The following TRIM44 variants were observed in gnomAD, a reference collection of about 807,000 sequenced individuals.
The protein encoded by TRIM44 is tripartite motif containing 44.
In TRIM44, 13 loss-of-function variants were observed where a neutral mutation model predicts 37.4. The observed-to-expected ratio is 0.35, with a 90% CI of 0.23 to 0.55. The LOEUF is 0.55. Among genes scored for constraint, TRIM44 ranks in the 20% least tolerant of loss-of-function variants. TRIM44 has a pLI of 0.89. For synonymous variants in TRIM44, 175 were observed against 157.2 expected (o/e 1.11, Z -0.85); for missense variants, 426 against 437.2 (o/e 0.97, Z 0.23).
intron 1 of TRIM44, among the ~76,000 whole-genome samples, chr11:35,664,843 A>G (rs1442301507): frequency 6.6e-6 from 1 of 152,214 alleles, no homozygotes; most frequent in African/African-American, 2.4e-5. Context: ...TACCTTTTCC[A>G]ATTATAACCA....
At chr11:35,710,250 T>G (rs546078873) in intron 2 of TRIM44, among the ~76,000 whole-genome samples, 36 of 152,260 alleles carry the variant, frequency 2.4e-4, no homozygotes, top group African/African-American at 5.8e-4. Context: ...TTTATATATA[T>G]ATAGAGAGAG....
intron 4 of TRIM44, among the ~76,000 whole-genome samples, chr11:35,784,045 G>T (rs1853098318): frequency 6.6e-6 from 1 of 152,174 alleles, no homozygotes. Flanking sequence ...GCCTACTGGG[G>T]AGCAGAATGT....
At chr11:35,719,180 A>G (rs563037097) in intron 2 of TRIM44, among the ~76,000 whole-genome samples, 5 of 152,242 alleles carry the variant, frequency 3.3e-5, no homozygotes, top group African/African-American at 1.2e-4. Flanking sequence ...AAGTGGCCTT[A>G]CCATTTTGCA....
chr11:35,688,899 C>G (rs1329237272), intron 2 of TRIM44, among the ~76,000 whole-genome samples: 1 of 152,110 alleles, frequency 6.6e-6, no homozygotes, highest in African/African-American at 2.4e-5. Context: ...CTGTTTTCCT[C>G]TATGTTTGCT....
At chr11:35,766,370 C>T (rs1293381573) in intron 4 of TRIM44, among the ~76,000 whole-genome samples, 1 of 152,150 alleles carries the variant, frequency 6.6e-6, no homozygotes, top group East Asian at 1.9e-4. Flanking sequence ...AGGGCTTCTC[C>T]TCCCCAAGGC....
Position 35,806,427 on chromosome 11 carries a change from G to A in TRIM44, c.*42G>A. On this transcript the variant is annotated 3_prime_UTR_variant, in exon 5 of 5. Coordinates refer to ENST00000299413, the MANE Select transcript of TRIM44 (RefSeq NM_017583.6). ...GTGGAAAATCATCCCCTCCCCTTGT[G>A]TGTATGTGACAGCGTGTATGTAACG... 1 of 1,610,532 alleles carries A rather than the reference G, an allele frequency of 6.2e-7. No individual in the cohort carries two copies. Among genetic ancestry groups the A allele is most frequent in the Non-Finnish European group, 8.5e-7 (1 of 1,176,948 alleles).
rs576686021 is a variant in TRIM44, at chr11:35,811,635, G to T, written c.*5250G>T. The T allele has an allele frequency of 6.6e-6, 1 of 152,178 alleles. No homozygotes were observed. Among genetic ancestry groups the T allele is most frequent in the Non-Finnish European group, 1.5e-5 (1 of 68,028 alleles). The allele number at this position is 152,178 out of a possible 1,614,324, so 9.4% of individuals were successfully genotyped here. ...ACTCAGAGGCCTTCAGGAGCCAAAT[G>T]TGAAGACTCAAGATGGTAGATACTG... is the stretch of plus-strand genomic sequence containing the variant. On this transcript the variant is annotated 3_prime_UTR_variant, in exon 5 of 5. Transcript: ENST00000299413.
chr11:35,791,607 A>T (rs1853210437), intron 4 of TRIM44, among the ~76,000 whole-genome samples: 1 of 152,072 alleles, frequency 6.6e-6, no homozygotes, highest in Non-Finnish European at 1.5e-5. Flanking sequence ...TGAACTTTTC[A>T]CAGCTCCTTG....
At position 35,663,278 on chromosome 11, in the gene TRIM44, A is replaced by G. The variant is rs1268575809; in HGVS notation, c.167A>G (p.His56Arg). The G allele has an allele frequency of 6.2e-7, 1 of 1,613,982 alleles. No homozygotes were observed. Among genetic ancestry groups the G allele is most frequent in the East Asian group, 2.2e-5 (1 of 44,850 alleles). ...CACAGGCAGAAGTTCCTCAGTCACC[A>G]TCTGGCCGAATACGTCCACGGCTCC... ...EAHRQKFLSH[H>R]LAEYVHGSQA... is the part of the protein sequence containing the mutation. The change falls in exon 1 of 5, where the codon CAT (histidine) becomes CGT (arginine). Residue 56 changes from histidine to arginine, a missense_variant. His to Arg is a conservative substitution (Grantham distance 29). Around this residue, in one of 2 missense-constraint regions of TRIM44, gnomAD observed 331 missense variants for 303.0 expected, o/e 1.09. Coordinates refer to ENST00000299413, the MANE Select transcript of TRIM44 (RefSeq NM_017583.6).
chr11:35,716,285 C>G (rs1468631887), intron 2 of TRIM44, among the ~76,000 whole-genome samples: 1 of 152,152 alleles, frequency 6.6e-6, no homozygotes, highest in Non-Finnish European at 1.5e-5. Context: ...GAGTTAGAAG[C>G]AAGATGCTAA....
chr11:35,796,669 A>T (rs1276295436), intron 4 of TRIM44, among the ~76,000 whole-genome samples: 1 of 152,144 alleles, frequency 6.6e-6, no homozygotes, highest in Admixed American at 6.5e-5. Flanking sequence ...TCATCACAGG[A>T]GATCGCCAGT....
intron 2 of TRIM44, among the ~76,000 whole-genome samples, chr11:35,701,358 G>A (rs1466431966): frequency 1.3e-5 from 2 of 151,570 alleles, no homozygotes; most frequent in African/African-American, 2.4e-5. Context: ...TTAAGCTGAC[G>A]TTTAACTATA....
At chr11:35,743,186 G>C (rs184848013) in intron 4 of TRIM44, among the ~76,000 whole-genome samples, 1 of 152,308 alleles carries the variant, frequency 6.6e-6, no homozygotes, top group East Asian at 1.9e-4. Flanking sequence ...CACATGTGCT[G>C]TGCGGGGAAT....
chr11:35,747,282 C>T (rs1297121648), intron 4 of TRIM44, among the ~76,000 whole-genome samples: 1 of 152,200 alleles, frequency 6.6e-6, no homozygotes, highest in African/African-American at 2.4e-5. Context: ...GGAGCTAGAT[C>T]TACATATATA....
chr11:35,683,339 A>G (rs1366258636), intron 1 of TRIM44, among the ~76,000 whole-genome samples: 1 of 152,228 alleles, frequency 6.6e-6, no homozygotes, highest in Non-Finnish European at 1.5e-5. Context: ...TTTGGAGAAC[A>G]CATCTAAAGT....
intron 4 of TRIM44, among the ~76,000 whole-genome samples, chr11:35,774,333 A>G (rs1398954149): frequency 1.3e-5 from 2 of 151,860 alleles, no homozygotes; most frequent in Non-Finnish European, 2.9e-5. Context: ...TTTTCTTGTA[A>G]ATTTGTTTAA....
chr11:35,670,915 T>C (rs1851386509), intron 1 of TRIM44, among the ~76,000 whole-genome samples: 1 of 152,252 alleles, frequency 6.6e-6, no homozygotes, highest in Admixed American at 6.5e-5. Context: ...TCGATAAAGA[T>C]ATGAGCTTGA....
chr11:35,680,499 C>T (rs1184703166), intron 1 of TRIM44, among the ~76,000 whole-genome samples: 4 of 151,854 alleles, frequency 2.6e-5, no homozygotes, highest in Non-Finnish European at 2.9e-5. Flanking sequence ...GTACATACAA[C>T]CTACCTCATT....
At chr11:35,742,758 T>C (rs539335474) in intron 4 of TRIM44, among the ~76,000 whole-genome samples, 1 of 128,496 alleles carries the variant, frequency 7.8e-6, no homozygotes, top group South Asian at 2.2e-4. Flanking sequence ...ATGTTATATG[T>C]TATGTATTAT....
Sources: allele counts gnomAD v4.1 joint callset (sites outside exome capture counted in the v4.1 genomes callset), GRCh38; gene constraint gnomAD v4.1.1; regional missense constraint gnomAD v4.1.1; transcripts MANE v1.5; gene names NCBI Gene and HGNC (gene_info 2026-07-23, HGNC 2026-07-21).